PLEKHA7: variants seen among roughly 807,000 people sequenced by gnomAD.
PLEKHA7 encodes the protein pleckstrin homology domain containing A7.
PLEKHA7 carries 104 observed loss-of-function variants against 170.0 expected under a neutral mutation model. The ratio of observed to expected loss-of-function variants is 0.61; its 90% CI spans 0.52 to 0.72. The LOEUF (loss-of-function observed/expected upper bound fraction) is 0.72, where lower values mean the gene tolerates loss of function less well. PLEKHA7 is among the 30% of genes least tolerant of loss of function. The pLI is 0.00. For synonymous variants in PLEKHA7, 648 were observed against 660.8 expected (o/e 0.98, Z 0.30); for missense variants, 1,615 against 1,671.7 (o/e 0.97, Z 0.59).
chr11:16,978,170 C>A (rs1156371945), intron 3 of PLEKHA7, among the ~76,000 whole-genome samples: 1 of 152,176 alleles, frequency 6.6e-6, no homozygotes, highest in Non-Finnish European at 1.5e-5. Context: ...AGTTTAAAAG[C>A]CTCTTTATGG....
At position 16,859,122 on chromosome 11, in the gene PLEKHA7, G is replaced by A. The variant is rs143069193; in HGVS notation, c.306-3208C>T. Among the ~76,000 whole-genome samples the A allele has an allele frequency of 2.5e-4, 38 of 152,322 alleles. No homozygotes were observed. In the East Asian group the frequency reaches 6.0e-3, roughly 24 times the overall value. ...TGTGTTGTCTACAAACAGGGAGGAT[G>A]TCTTCACCAAGGCCCCCCATGAGCA... On this transcript the variant is annotated intron_variant, in intron 4 of 26. Transcript: ENST00000531066.
chr11:16,965,753 G>C (rs149991092), intron 3 of PLEKHA7, among the ~76,000 whole-genome samples: 2 of 152,174 alleles, frequency 1.3e-5, no homozygotes, highest in African/African-American at 4.8e-5. Context: ...TTTTGGCCTC[G>C]ATCTTCCCAT....
intron 3 of PLEKHA7, among the ~76,000 whole-genome samples, chr11:17,012,547 A>T (rs1180782541): frequency 6.6e-6 from 1 of 152,050 alleles, no homozygotes; most frequent in East Asian, 1.9e-4. Context: ...ATGTCACATC[A>T]CCTTATTTTA....
At chr11:16,916,207 GTTGT>G (rs1415535019) in intron 3 of PLEKHA7, among the ~76,000 whole-genome samples, 5 of 152,214 alleles carry the variant, frequency 3.3e-5, no homozygotes, top group Admixed American at 6.5e-5. Flanking sequence ...TGTTAATGGG[GTTGT>G]TTGTTTTTTC....
chr11:16,914,622 A>T (rs564238082), intron 3 of PLEKHA7, among the ~76,000 whole-genome samples: 8 of 152,298 alleles, frequency 5.3e-5, no homozygotes, highest in African/African-American at 1.4e-4. Flanking sequence ...CAAGGGAGAA[A>T]TGTGGAATCC....
Position 16,791,395 on chromosome 11 carries a change from C to A in PLEKHA7, c.2746-196G>T. On this transcript the variant is annotated intron_variant, in intron 19 of 26. Coordinates refer to ENST00000531066, the MANE Select transcript of PLEKHA7 (RefSeq NM_001329630.2). This position sits in a 1 kb window ranked among gnomAD's most constrained non-coding sequence, Gnocchi z 4.5. Reference sequence around the variant, plus strand: ...AAGGGACATGCTCTGCTCCTCTATCCCCTCAGAGGTATACAGTTTCTATTC... The same window carrying A: ...AAGGGACATGCTCTGCTCCTCTATCACCTCAGAGGTATACAGTTTCTATTC... 1 of 614,958 alleles carries A rather than the reference C, an allele frequency of 1.6e-6. No individual in the cohort carries two copies. Among genetic ancestry groups the A allele is most frequent in the East Asian group, 2.7e-5 (1 of 36,394 alleles). 38.1% of individuals were successfully genotyped at this position (614,958 alleles called of 1,614,324 possible).
chr11:16,967,920 G>A (rs1862471999), intron 3 of PLEKHA7, among the ~76,000 whole-genome samples: 1 of 152,152 alleles, frequency 6.6e-6, no homozygotes, highest in South Asian at 2.1e-4. Context: ...TAAAGATAAG[G>A]AAGTCATTTC....
chr11:17,014,113 C>T lies in PLEKHA7; in HGVS notation c.163+12G>A. 1.3e-6 allele frequency: 2 copies of T among 1,597,284 alleles called. No individual in the cohort carries two copies. The highest frequency in any genetic ancestry group is 2.3e-5 in the East Asian group (1 of 44,194). On this transcript the variant is annotated intron_variant, in intron 2 of 26. Transcript: ENST00000531066. ...GCTGCGCGCGCCCCCCACCCGCCGG[C>T]CCGGCGCCCACCTGAGCGGATCATG...
chr11:16,984,433 G>A (rs1208137022), intron 3 of PLEKHA7, among the ~76,000 whole-genome samples: 1 of 152,070 alleles, frequency 6.6e-6, no homozygotes, highest in Non-Finnish European at 1.5e-5. Flanking sequence ...CTGACTCAGG[G>A]TGAAAGCTCA....
intron 9 of PLEKHA7, among the ~76,000 whole-genome samples, chr11:16,837,115 C>T (rs1851578049): frequency 6.6e-6 from 1 of 152,160 alleles, no homozygotes; most frequent in Non-Finnish European, 1.5e-5. Context: ...TAAGCCACTG[C>T]ACCTGGCCTG....
chr11:16,906,684 C>A (rs1473496761), intron 3 of PLEKHA7, among the ~76,000 whole-genome samples: 2 of 139,910 alleles, frequency 1.4e-5, no homozygotes, highest in Non-Finnish European at 3.0e-5. Context: ...ACAACCTCCA[C>A]CTCCCAGCTG....
chr11:16,803,305 G>T lies in PLEKHA7; in HGVS notation c.2008-10C>A. 6.2e-7 allele frequency: 1 copy of T among 1,609,592 alleles called. No homozygotes were observed. The highest frequency in any genetic ancestry group is 8.5e-7 in the Non-Finnish European group (1 of 1,175,964). ...GGTCCCGGCCTGTCATCTGGGAGGC[G>T]AACAATTTAAAAGAGATTTAACCAT... On this transcript the variant is annotated splice_polypyrimidine_tract_variant and intron_variant, in intron 13 of 26. Coordinates refer to ENST00000531066, the MANE Select transcript of PLEKHA7 (RefSeq NM_001329630.2).
At chr11:16,993,185 T>TA (rs1423279423) in intron 3 of PLEKHA7, among the ~76,000 whole-genome samples, 1 of 152,022 alleles carries the variant, frequency 6.6e-6, no homozygotes, top group African/African-American at 2.4e-5. Context: ...GCCATAGAAA[T>TA]CAGTTCCAAA....
At chr11:16,839,983 G>C (rs912275901) in intron 9 of PLEKHA7, among the ~76,000 whole-genome samples, 2 of 152,116 alleles carry the variant, frequency 1.3e-5, no homozygotes, top group African/African-American at 4.8e-5. Context: ...TGGGGTGAGA[G>C]GGGAAATGCC....
chr11:16,791,252 G>T lies in PLEKHA7; in HGVS notation c.2746-53C>A, dbSNP rs757526963. The T allele has an allele frequency of 2.7e-6, 4 of 1,498,930 alleles. No homozygotes were observed. In the African/African-American group the frequency reaches 4.2e-5, roughly 16 times the overall value. The allele number at this position is 1,498,930 out of a possible 1,614,324, so 92.9% of individuals were successfully genotyped here. A position where few individuals can be genotyped will look rare whatever the true frequency, so the allele number is the denominator to read the frequency against. On this transcript the variant is annotated intron_variant, in intron 19 of 26. Transcript: ENST00000531066. This position sits in a 1 kb window ranked among gnomAD's most constrained non-coding sequence, Gnocchi z 4.5. ...GTCAGCGAGACGGAGCTGGAGGGAG[G>T]ACTGCTAGGTACTGCCACAGTGGAG...
At chr11:16,897,155 T>G (rs1180358636) in intron 3 of PLEKHA7, among the ~76,000 whole-genome samples, 2 of 152,314 alleles carry the variant, frequency 1.3e-5, no homozygotes, top group East Asian at 3.9e-4. Context: ...CAGAAGAGGT[T>G]AAGTCTTTCG....
At chr11:16,895,818 C>T (rs2135986644) in intron 3 of PLEKHA7, among the ~76,000 whole-genome samples, 1 of 152,346 alleles carries the variant, frequency 6.6e-6, no homozygotes, top group South Asian at 2.1e-4. Flanking sequence ...AAACCCTCAC[C>T]TGAAAGGGGC....
chr11:16,894,106 G>C (rs542523407), intron 3 of PLEKHA7, among the ~76,000 whole-genome samples: 3 of 152,346 alleles, frequency 2.0e-5, no homozygotes, highest in East Asian at 3.9e-4. Context: ...CAGCTCAGGA[G>C]GGGGAGGTTG....
At chr11:16,816,729 G>A in intron 11 of PLEKHA7, 71 bp downstream of exon 11, 21 of 1,546,894 alleles carry the variant, frequency 1.4e-5, no homozygotes, top group Non-Finnish European at 1.8e-5. Context: ...TCAAATTTGT[G>A]TTCAAACCAG....
Sources: allele counts gnomAD v4.1 joint callset (sites outside exome capture counted in the v4.1 genomes callset), GRCh38; gene constraint gnomAD v4.1.1; non-coding constraint Gnocchi (gnomAD v3.1); transcripts MANE v1.5; gene names NCBI Gene and HGNC (gene_info 2026-07-23, HGNC 2026-07-21).